CTNNAL1: variants seen among roughly 807,000 people sequenced by gnomAD.
CTNNAL1 encodes alpha-catulin.
A neutral mutation model predicts 93.6 loss-of-function variants in CTNNAL1; 69 were observed. That is an observed-to-expected ratio of 0.74 (90% confidence interval 0.61 to 0.90). The LOEUF (loss-of-function observed/expected upper bound fraction) is 0.90, where lower values mean the gene tolerates loss of function less well. Ranked by LOEUF, CTNNAL1 falls within the 40% of genes least tolerant of loss-of-function variation. CTNNAL1 has a pLI of 0.00. For missense variants in CTNNAL1, 836 were observed against 862.0 expected (o/e 0.97, Z 0.38); for synonymous variants, 286 against 305.4 (o/e 0.94, Z 0.66).
chr9:108,967,500 C>A (rs1025911714), intron 10 of CTNNAL1, among the ~76,000 whole-genome samples: 1 of 152,134 alleles, frequency 6.6e-6, no homozygotes, highest in African/African-American at 2.4e-5. Context: ...AGATAAATGT[C>A]CCTGGCTTCA....
chr9:108,948,275 T>C (rs770116679), intron 14 of CTNNAL1, 41 bp from the exon 15 acceptor site: 1 of 1,580,554 alleles, frequency 6.3e-7, no homozygotes, highest in Admixed American at 1.8e-5. Context: ...CAAAAAGTTA[T>C]TACCTGAAAA....
At chr9:108,987,852 T>G (rs2132166127) in intron 4 of CTNNAL1, among the ~76,000 whole-genome samples, 2 of 152,330 alleles carry the variant, frequency 1.3e-5, no homozygotes, top group South Asian at 4.2e-4. Flanking sequence ...TGTATAAGAA[T>G]GCTTGTGATT....
At chr9:108,975,955 G>C (rs1316331088) in intron 8 of CTNNAL1, among the ~76,000 whole-genome samples, 1 of 152,040 alleles carries the variant, frequency 6.6e-6, no homozygotes, top group Non-Finnish European at 1.5e-5. Context: ...TTTTATTCAG[G>C]GAACAGGGAA....
rs923953725 is a variant in CTNNAL1 at position 108,992,640 on chromosome 9, T to C, written c.511A>G (p.Arg171Gly). The change falls in exon 3 of 19, where the codon AGA (arginine) becomes GGA (glycine). Residue 171 changes from arginine (R) to glycine (G), a missense_variant. Coordinates refer to ENST00000325551, the MANE Select transcript of CTNNAL1 (RefSeq NM_003798.4). ...ATCAGAAAGGTAAGTACCTTATTTCTTGATGTTATTATCTGTTTAATGACT... is the reference window on the plus strand; with the variant it reads ...ATCAGAAAGGTAAGTACCTTATTTCCTGATGTTATTATCTGTTTAATGACT... ...RVVIKQIITS[R>G]NKVLATMERL... 1.9e-6 allele frequency: 3 copies of C among 1,608,600 alleles called. No homozygotes were observed. The highest frequency in any genetic ancestry group is 1.7e-4 in the Middle Eastern group (1 of 6,054).
chr9:109,000,338 T>C (rs1826755482), intron 1 of CTNNAL1, among the ~76,000 whole-genome samples: 1 of 152,182 alleles, frequency 6.6e-6, no homozygotes. Flanking sequence ...AGAATAGCAA[T>C]AATTCAGTTA....
rs59271794 is a variant in CTNNAL1, at chr9:108,981,484, C to CA, written c.900+1660dup. On this transcript the variant is annotated intron_variant, in intron 6 of 18. Transcript: ENST00000325551. ...CTCCTCAAAAAAAAAAGACAAAAAA[C>CA]AAAAAAAAAAAAAACAGTATATAAT... Among the ~76,000 whole-genome samples, 171 of 144,634 alleles carry CA rather than the reference C, an allele frequency of 1.2e-3. 1 individual carries two copies. In the South Asian group the frequency reaches 0.014, roughly 12 times the overall value. The allele number at this position is 144,634 out of a possible 152,430, so 94.9% of individuals were successfully genotyped here.
chr9:108,953,933 G>C (rs543841748), intron 12 of CTNNAL1, among the ~76,000 whole-genome samples: 187 of 152,254 alleles, frequency 1.2e-3, no homozygotes, highest in Non-Finnish European at 1.2e-3. Context: ...CCTTGGTCTA[G>C]TTGACTATAA....
At chr9:108,962,375 C>A (rs1830841204) in intron 11 of CTNNAL1, among the ~76,000 whole-genome samples, 1 of 152,096 alleles carries the variant, frequency 6.6e-6, no homozygotes, top group African/African-American at 2.4e-5. Context: ...TTTCCTTAAA[C>A]TTCCCTAGCT....
chr9:108,952,195 A>G lies in CTNNAL1; in HGVS notation c.1835+14T>C. On this transcript the variant is annotated intron_variant, in intron 14 of 18. Transcript: ENST00000325551. ...TTATACTGATTTAAAAAATAAAAAT[A>G]CAACTACATTTACCTAGTAAATAAA... is the stretch of plus-strand genomic sequence containing the variant. The G allele has an allele frequency of 6.3e-7, 1 of 1,589,414 alleles. No individual in the cohort carries two copies. The highest frequency in any genetic ancestry group is 8.6e-7 in the Non-Finnish European group (1 of 1,168,834).
chr9:108,965,283 A>G (rs1229428291), intron 11 of CTNNAL1, 95 bp downstream of exon 11: 1 of 1,059,476 alleles, frequency 9.4e-7, no homozygotes, highest in East Asian at 2.9e-5. Flanking sequence ...CTGGGTTACG[A>G]CAAGAATTCA....
intron 2 of CTNNAL1, among the ~76,000 whole-genome samples, chr9:108,997,907 C>A (rs1832082340): frequency 1.3e-5 from 2 of 152,186 alleles, no homozygotes; most frequent in African/African-American, 4.8e-5. Context: ...CTCACACCCC[C>A]TAAAATGTAT....
chr9:109,000,095 AAG>A (rs1826744447), intron 1 of CTNNAL1, among the ~76,000 whole-genome samples: 3 of 152,238 alleles, frequency 2.0e-5, no homozygotes, highest in African/African-American at 2.4e-5. Flanking sequence ...ACTATGTGCC[AAG>A]CACTTTATAT....
At chr9:109,004,026 T>A (rs966260825) in intron 1 of CTNNAL1, among the ~76,000 whole-genome samples, 1 of 152,220 alleles carries the variant, frequency 6.6e-6, no homozygotes, top group Non-Finnish European at 1.5e-5. Context: ...GTAGTGACAG[T>A]ATGCTACTTT....
Position 108,952,330 on chromosome 9 carries a change from G to C in CTNNAL1, c.1714C>G (p.Leu572Val). ...TCAGCGTCAGAGGTGAGCAAACCCA[G>C]CTTAAGTCCAAGCTTTGCTATCTTG... Reference protein sequence around the residue: ...QAKIAKLGLKLGLLTSDADCE... With the variant: ...QAKIAKLGLKVGLLTSDADCE... The change falls in exon 14 of 19, where the codon CTG becomes GTG. Residue 572 changes from leucine (L) to valine (V), a missense_variant. Transcript: ENST00000325551. 2 of 1,614,166 alleles carry C rather than the reference G, an allele frequency of 1.2e-6. No individual in the cohort carries two copies. Among genetic ancestry groups the C allele is most frequent in the Non-Finnish European group, 1.7e-6 (2 of 1,180,030 alleles).
intron 8 of CTNNAL1, 31 bp from the exon 9 acceptor site, chr9:108,972,864 G>GGGGGGGGGCCCCCCCCCCCCCC: frequency 3.5e-5 from 5 of 142,534 alleles, no homozygotes; most frequent in African/African-American, 9.6e-5. Flanking sequence ...GGGGGGGTGG[G>GGGGGGGGGCCCCCCCCCCCCCC]AGGGTGGAGA....
chr9:108,986,979 G>T (rs1271013798), intron 4 of CTNNAL1, among the ~76,000 whole-genome samples: 1 of 152,114 alleles, frequency 6.6e-6, no homozygotes, highest in Non-Finnish European at 1.5e-5. Flanking sequence ...TTTGTAGGTT[G>T]CCTGTTCACT....
intron 6 of CTNNAL1, among the ~76,000 whole-genome samples, chr9:108,981,557 G>C (rs1831430290): frequency 6.6e-6 from 1 of 151,630 alleles, no homozygotes; most frequent in East Asian, 1.9e-4. Context: ...TATTTATTAA[G>C]AGCAAAAAGA....
intron 17 of CTNNAL1, 83 bp from the exon 18 acceptor site, chr9:108,943,127 A>G: frequency 4.1e-6 from 5 of 1,233,840 alleles, no homozygotes; most frequent in African/African-American, 1.5e-5. Flanking sequence ...TAACATGATA[A>G]AATTTCTCCA....
intron 1 of CTNNAL1, among the ~76,000 whole-genome samples, chr9:109,008,389 C>A (rs1163202013): frequency 6.6e-6 from 1 of 152,078 alleles, no homozygotes; most frequent in African/African-American, 2.4e-5. Context: ...TCAGGTGATC[C>A]ACCCACCTCA....
Sources: gnomAD v4.1 joint callset for allele counts (sites outside exome capture counted in the v4.1 genomes callset) on GRCh38, gnomAD v4.1.1 for gene constraint, MANE v1.5 for transcripts, NCBI Gene and HGNC (gene_info 2026-07-23, HGNC 2026-07-21) for gene names.